LRRC40: variants seen among roughly 807,000 people sequenced by gnomAD.
LRRC40 encodes leucine-rich repeat-containing protein 40.
In LRRC40, 76 loss-of-function variants were observed where a neutral mutation model predicts 72.8. The observed-to-expected ratio is 1.04, with a 90% CI of 0.87 to 1.26. LRRC40 has a LOEUF of 1.26. Ranked by LOEUF, LRRC40 falls within the 50% of genes most tolerant of loss-of-function variation. The pLI is 0.00. For missense variants in LRRC40, 684 were observed against 698.9 expected (o/e 0.98, Z 0.24); for synonymous variants, 243 against 254.2 (o/e 0.96, Z 0.42).
rs750869428 is a variant in LRRC40 at position 70,178,959 on chromosome 1, C to G, written c.696G>C (p.Leu232Phe). Reference protein sequence around the residue: ...LKHLDCNSNLLETIPPELAGM... With the variant: ...LKHLDCNSNLFETIPPELAGM... ...CAGCCAATTCAGGAGGTATAGTTTC[C>G]AAGAGATTTGAATTACAATCCAAAT... The change falls in exon 6 of 15, where the codon TTG becomes TTC. Residue 232 changes from leucine (L) to phenylalanine (F), a missense_variant. By Grantham distance (22) the Leu-to-Phe change is conservative. Coordinates refer to ENST00000370952, the MANE Select transcript of LRRC40 (RefSeq NM_017768.5). 6.3e-7 allele frequency: 1 copy of G among 1,598,584 alleles called. No homozygotes were observed. Among genetic ancestry groups the G allele is most frequent in the Non-Finnish European group, 8.5e-7 (1 of 1,170,378 alleles).
At chr1:70,159,147 A>G (rs1227557054) in intron 10 of LRRC40, among the ~76,000 whole-genome samples, 183 bp downstream of exon 10, 1 of 151,864 alleles carries the variant, frequency 6.6e-6, no homozygotes, top group Non-Finnish European at 1.5e-5. Flanking sequence ...AAAGTTTCCT[A>G]TGTGTTTGGT....
chr1:70,205,414 G>A lies in LRRC40; in HGVS notation c.127C>T (p.Leu43=). 1 of 1,600,762 alleles carries A rather than the reference G, an allele frequency of 6.2e-7. No homozygotes were observed. Among genetic ancestry groups the A allele is most frequent in the Non-Finnish European group, 8.5e-7 (1 of 1,169,866 alleles). Residue 43 remains leucine, a synonymous_variant, in exon 1 of 15, where the codon CTG becomes TTG. Transcript: ENST00000370952. ...CCTTCACTGAGGTTTCTACCCGACA[G>A]GTTTAACTGGCCGCTCTTCCTCGCT... ...KAARKSGQLN[L]SGRNLSEVPQ... is the part of the protein sequence containing the mutation.
intron 4 of LRRC40, among the ~76,000 whole-genome samples, chr1:70,183,417 AAG>A (rs1478957730): frequency 1.3e-5 from 2 of 152,150 alleles, no homozygotes; most frequent in Admixed American, 6.5e-5. Flanking sequence ...GAAAAAAAAA[AAG>A]AGATGGATAC....
intron 3 of LRRC40, among the ~76,000 whole-genome samples, chr1:70,185,649 CATATACCACA>C (rs1476890078): frequency 6.6e-6 from 1 of 152,174 alleles, no homozygotes; most frequent in African/African-American, 2.4e-5. Flanking sequence ...TATATGCACA[CATATACCACA>C]ATGGAGTTAC....
At chr1:70,158,683 T>A (rs1234489060) in intron 10 of LRRC40, among the ~76,000 whole-genome samples, 1 of 152,236 alleles carries the variant, frequency 6.6e-6, no homozygotes, top group East Asian at 1.9e-4. Context: ...ATTATTACTA[T>A]GATACATTAT....
At chr1:70,158,420 T>C (rs936707966) in intron 10 of LRRC40, among the ~76,000 whole-genome samples, 4 of 152,192 alleles carry the variant, frequency 2.6e-5, no homozygotes, top group Non-Finnish European at 4.4e-5. Flanking sequence ...TATTCTTTTG[T>C]ATTTTCACTA....
intron 12 of LRRC40, chr1:70,151,809 A>G (rs1274745984): frequency 6.6e-6 from 1 of 152,042 alleles, no homozygotes; most frequent in Non-Finnish European, 1.5e-5. Context: ...ATCTGGGAGC[A>G]ATGTTAGAAG....
chr1:70,177,911 T>C (rs989755531), intron 6 of LRRC40, among the ~76,000 whole-genome samples: 2 of 152,296 alleles, frequency 1.3e-5, no homozygotes, highest in East Asian at 1.9e-4. Flanking sequence ...ACGAGGACAA[T>C]GAAGATGAAG....
chr1:70,197,725 G>C (rs1441910804), intron 1 of LRRC40, among the ~76,000 whole-genome samples: 1 of 151,832 alleles, frequency 6.6e-6, no homozygotes, highest in African/African-American at 2.4e-5. Context: ...ATATGATATG[G>C]GTGGATAAAG....
chr1:70,168,594 T>C (rs530909938), intron 9 of LRRC40, among the ~76,000 whole-genome samples: 4 of 152,188 alleles, frequency 2.6e-5, no homozygotes, highest in Non-Finnish European at 2.9e-5. Context: ...ATGAAGGTTA[T>C]GGTAAAAGGC....
At chr1:70,185,840 T>C (rs143842433) in intron 3 of LRRC40, among the ~76,000 whole-genome samples, 102 of 152,316 alleles carry the variant, frequency 6.7e-4, no homozygotes, top group Non-Finnish European at 1.3e-3. Context: ...TCATGGAGGA[T>C]GATAGACTTC....
intron 5 of LRRC40, chr1:70,180,029 A>G (rs1668206948): frequency 6.6e-6 from 1 of 152,224 alleles, no homozygotes; most frequent in Non-Finnish European, 1.5e-5. Context: ...GGAGGTTTTA[A>G]AATTGAAGAA....
intron 13 of LRRC40, among the ~76,000 whole-genome samples, chr1:70,148,927 T>C (rs1667390759): frequency 6.6e-6 from 1 of 152,164 alleles, no homozygotes; most frequent in South Asian, 2.1e-4. Context: ...AACTTCAGAG[T>C]AAATTCTCCC....
intron 9 of LRRC40, among the ~76,000 whole-genome samples, chr1:70,169,536 G>A (rs1162455738): frequency 6.6e-6 from 1 of 152,052 alleles, no homozygotes; most frequent in African/African-American, 2.4e-5. Context: ...CAACAAAACT[G>A]ACTAATATCC....
At chr1:70,153,972 CAAAAAAAA>C (rs1042976831) in intron 11 of LRRC40, among the ~76,000 whole-genome samples, 4 of 58,186 alleles carry the variant, frequency 6.9e-5, no homozygotes, top group Non-Finnish European at 3.4e-5. Flanking sequence ...GATCCTGTCT[CAAAAAAAA>C]AAAAAAAAAA....
intron 5 of LRRC40, chr1:70,180,351 C>G (rs1025273095): frequency 6.6e-6 from 1 of 152,204 alleles, no homozygotes; most frequent in Non-Finnish European, 1.5e-5. Context: ...GCATAGCGCA[C>G]TACAGCCCAG....
At chr1:70,156,239 TA>T (rs1055551151) in intron 10 of LRRC40, among the ~76,000 whole-genome samples, 12 of 152,118 alleles carry the variant, frequency 7.9e-5, no homozygotes, top group African/African-American at 2.7e-4. Context: ...ATAACTTTTT[TA>T]AAAAGTTCAA....
chr1:70,145,572 T>C lies in LRRC40; in HGVS notation c.*228A>G, dbSNP rs113086890. On this transcript the variant is annotated 3_prime_UTR_variant, in exon 15 of 15. Transcript: ENST00000370952. ...TATGAACACATTGTGGTTATCACCA[T>C]TACAAATGTATACAACACCTTACAA... 466 of 317,370 alleles carry C rather than the reference T, an allele frequency of 1.5e-3. 1 individual carries two copies. The highest frequency in any genetic ancestry group is 6.6e-3 in the East Asian group (129 of 19,504). The allele number at this position is 317,370 out of a possible 1,614,324, so 19.7% of individuals were successfully genotyped here.
intron 1 of LRRC40, among the ~76,000 whole-genome samples, chr1:70,204,459 T>C (rs148149301): frequency 4.3e-4 from 66 of 152,286 alleles, no homozygotes; most frequent in African/African-American, 1.6e-3. Context: ...GGAAACCAAG[T>C]AGATATATAT....
Sources: allele counts gnomAD v4.1 joint callset (sites outside exome capture counted in the v4.1 genomes callset), GRCh38; gene constraint gnomAD v4.1.1; transcripts MANE v1.5; gene names NCBI Gene and HGNC (gene_info 2026-07-23, HGNC 2026-07-21).